Variants in MYLIP observed in about 807,000 individuals in gnomAD.
MYLIP encodes the protein E3 ubiquitin-protein ligase MYLIP.
In MYLIP, 26 loss-of-function variants were observed where a neutral mutation model predicts 45.8. The observed-to-expected ratio is 0.57, with a 90% CI of 0.42 to 0.79. MYLIP has a LOEUF of 0.79. MYLIP is among the 30% of genes least tolerant of loss of function. The pLI, the probability that MYLIP is intolerant of heterozygous loss-of-function variation, is 0.00. For synonymous variants in MYLIP, 213 were observed against 218.1 expected (o/e 0.98, Z 0.21); for missense variants, 494 against 555.6 (o/e 0.89, Z 1.11).
In MYLIP at chr6:16,145,161, G is replaced by A; in HGVS notation, c.1092G>A (p.Glu364=). The change falls in exon 6 of 7, where the codon GAG becomes GAA. Residue 364 remains glutamate (E), a synonymous_variant. Transcript: ENST00000356840. ...GCAGCATGAACTGCAGCAGCTGCGA[G>A]GGCCTCAGCTGCCAGCAGACCCGGG... is the stretch of plus-strand genomic sequence containing the variant. ...SESSMNCSSC[E]GLSCQQTRVL... The A allele has an allele frequency of 6.2e-7, 1 of 1,614,210 alleles. No homozygotes were observed.
Position 16,146,704 on chromosome 6 carries a change from G to A in MYLIP, c.1291G>A (p.Val431Ile), listed in dbSNP as rs868483841. ...GTCGCGTGTGGAGCATGTCCAGCACGTCTATCTGCCAACGCACACCAGTCT... is the reference window on the plus strand; with the variant it reads ...GTCGCGTGTGGAGCATGTCCAGCACATCTATCTGCCAACGCACACCAGTCT... ...CRSRVEHVQH[V>I]YLPTHTSLLN... Residue 431 changes from valine to isoleucine, a missense_variant, in exon 7 of 7, where the codon GTC (valine) becomes ATC (isoleucine). By Grantham distance (29) the Val-to-Ile change is conservative. Coordinates refer to ENST00000356840, the MANE Select transcript of MYLIP (RefSeq NM_013262.4). 9.9e-6 allele frequency: 16 copies of A among 1,611,978 alleles called. No individual in the cohort carries two copies. The highest frequency in any genetic ancestry group is 3.3e-4 in the Middle Eastern group (2 of 6,058).
intron 1 of MYLIP, 36 bp from the exon 2 acceptor site, chr6:16,130,521 A>G (rs1463883815): frequency 4.4e-6 from 7 of 1,603,030 alleles, no homozygotes; most frequent in East Asian, 4.5e-5. Flanking sequence ...GATACGTACC[A>G]TTTGCTCATC....
intron 2 of MYLIP, among the ~76,000 whole-genome samples, chr6:16,135,775 A>ATATATATATATATATATG (rs1220728725): frequency 2.1e-5 from 3 of 146,176 alleles, no homozygotes; most frequent in East Asian, 4.0e-4. Flanking sequence ...ATATATATAT[A>ATATATATATATATATATG]TATGTATGCT....
chr6:16,135,743 G>GTATATATATATATATATATATATA (rs1159042665), intron 2 of MYLIP, among the ~76,000 whole-genome samples: 1 of 94,928 alleles, frequency 1.1e-5, no homozygotes. Context: ...ATATGTGTGT[G>GTATATATATATATATATATATATA]TATACATATA....
the MYLIP span, chr6:16,161,035 G>T: frequency 6.4e-6 from 1 of 156,180 alleles, no homozygotes; most frequent in Non-Finnish European, 1.4e-5. Flanking sequence ...CCGGAGTGGA[G>T]ACGCTCCCAC....
intron 4 of MYLIP, 84 bp from the exon 5 acceptor site, chr6:16,143,614 AG>A: frequency 1.4e-6 from 2 of 1,441,194 alleles, no homozygotes. Flanking sequence ...CTAGGTCATG[AG>A]CAAATGGGGA....
At chr6:16,135,743 G>GTA (rs1159042665) in intron 2 of MYLIP, among the ~76,000 whole-genome samples, 4 of 94,938 alleles carry the variant, frequency 4.2e-5, no homozygotes, top group African/African-American at 1.2e-4. Flanking sequence ...ATATGTGTGT[G>GTA]TATACATATA....
downstream of MYLIP, among the ~76,000 whole-genome samples, chr6:16,152,700 A>G (rs942169602): frequency 3.3e-5 from 5 of 152,230 alleles, no homozygotes; most frequent in Admixed American, 6.5e-5. Context: ...CAATCAAAGC[A>G]GGTATCAGGT....
In MYLIP at chr6:16,146,850, C is replaced by A; in HGVS notation, c.*99C>A. 2.0e-6 allele frequency: 2 copies of A among 1,023,122 alleles called. No homozygotes were observed. The highest frequency in any genetic ancestry group is 2.8e-6 in the Non-Finnish European group (2 of 704,826). 63.4% of individuals were successfully genotyped at this position (1,023,122 alleles called of 1,614,324 possible). On this transcript the variant is annotated 3_prime_UTR_variant, in exon 7 of 7. Coordinates refer to ENST00000356840, the MANE Select transcript of MYLIP (RefSeq NM_013262.4). Reference sequence around the variant, plus strand: ...TGGAGAAAGTAATTATTCCAACACCCATCTGCCATGCGATGTTAAAAAAAA... The same window carrying A: ...TGGAGAAAGTAATTATTCCAACACCAATCTGCCATGCGATGTTAAAAAAAA...
At chr6:16,131,035 A>AAAAAAAAAG (rs1554124561) in intron 2 of MYLIP, among the ~76,000 whole-genome samples, 4 of 150,088 alleles carry the variant, frequency 2.7e-5, no homozygotes, top group African/African-American at 7.4e-5. Flanking sequence ...CCAGGAAAAA[A>AAAAAAAAAG]AAAAAAAAAA....
At chr6:16,151,786 A>T (rs1406974049), downstream of MYLIP, among the ~76,000 whole-genome samples, 1 of 152,246 alleles carries the variant, frequency 6.6e-6, no homozygotes, top group Non-Finnish European at 1.5e-5. Flanking sequence ...CCGGTTGCTT[A>T]GAGAAAAAAT....
intron 4 of MYLIP, 31 bp from the exon 5 acceptor site, chr6:16,143,668 A>G (rs1581607834): frequency 6.2e-7 from 1 of 1,610,740 alleles, no homozygotes; most frequent in East Asian, 2.2e-5. Context: ...CTCCTTCTAG[A>G]TCTGCTTTCT....
Position 16,143,197 on chromosome 6 carries a change from T to C in MYLIP, c.642T>C (p.Asp214=). The C allele has an allele frequency of 3.7e-6, 6 of 1,614,226 alleles. No individual in the cohort carries two copies. The highest frequency in any genetic ancestry group is 5.1e-6 in the Non-Finnish European group (6 of 1,180,032). Residue 214 remains aspartate, a synonymous_variant, in exon 4 of 7, where the codon GAT becomes GAC. Coordinates refer to ENST00000356840, the MANE Select transcript of MYLIP (RefSeq NM_013262.4). The part of the protein sequence containing the change: ...VGPEGISICK[D]DFSPINRIAY... The stretch of plus-strand genomic sequence containing the variant: ...CTGAAGGAATCTCAATTTGTAAAGA[T>C]GACTTTAGCCCAATTAATAGGTAAG...
downstream of MYLIP, among the ~76,000 whole-genome samples, chr6:16,148,839 T>A (rs879520617): frequency 2.6e-5 from 4 of 152,220 alleles, no homozygotes; most frequent in African/African-American, 4.8e-5. Flanking sequence ...CATCTGTGTT[T>A]CTCCAGAAAT....
Position 16,131,029 on chromosome 6 carries a change from G to GAAAAA in MYLIP, c.278+297_278+301dup, listed in dbSNP as rs11394742. Reference sequence around the variant, plus strand: ...ACACTTGAGATAAGTGCTACCCCAGGAAAAAAAAAAAAAAAAAAAGAAACC... The same window carrying GAAAAA: ...ACACTTGAGATAAGTGCTACCCCAGGAAAAAAAAAAAAAAAAAAAAAAAAGAAACC... On this transcript the variant is annotated intron_variant, in intron 2 of 6. Transcript: ENST00000356840. Among the ~76,000 whole-genome samples, 99 of 115,204 alleles carry GAAAAA rather than the reference G, an allele frequency of 8.6e-4. 1 individual carries two copies. The highest frequency in any genetic ancestry group is 1.2e-3 in the East Asian group (5 of 4,180). The allele number at this position is 115,204 out of a possible 152,430, so 75.6% of individuals were successfully genotyped here. A position where few individuals can be genotyped will look rare whatever the true frequency, so the allele number is the denominator to read the frequency against.
chr6:16,129,235 GT>G lies in MYLIP; in HGVS notation c.-87del. The G allele has an allele frequency of 7.1e-7, 1 of 1,409,440 alleles. No homozygotes were observed. Among genetic ancestry groups the G allele is most frequent in the Non-Finnish European group, 9.7e-7 (1 of 1,028,456 alleles). 87.3% of individuals were successfully genotyped at this position (1,409,440 alleles called of 1,614,324 possible). A position where few individuals can be genotyped will look rare whatever the true frequency, so the allele number is the denominator to read the frequency against. Reference sequence around the variant, plus strand: ...GCCTTCGAGGGCCAGCCCTCTCCGAGTCCGGGGCTGGGTCCCACCAGTGACA... The same window carrying G: ...GCCTTCGAGGGCCAGCCCTCTCCGAGCCGGGGCTGGGTCCCACCAGTGACA... On this transcript the variant is annotated 5_prime_UTR_variant, in exon 1 of 7. Transcript: ENST00000356840. This position sits in a 1 kb window ranked among gnomAD's most constrained non-coding sequence, Gnocchi z 5.1.
chr6:16,163,292 G>C, the MYLIP span: 6 of 152,264 alleles, frequency 3.9e-5, no homozygotes, highest in African/African-American at 1.4e-4. Flanking sequence ...CATGCCTCCT[G>C]TAGGGTTGTA....
At chr6:16,158,063 CAT>C in the MYLIP span, among the ~76,000 whole-genome samples, 1 of 152,240 alleles carries the variant, frequency 6.6e-6, no homozygotes, top group Non-Finnish European at 1.5e-5. Context: ...TCCTCTTTGA[CAT>C]GTGCTCTGGA....
Position 16,146,950 on chromosome 6 carries a change from C to T in MYLIP, c.*199C>T. Reference sequence around the variant, plus strand: ...CATGCGTAGAATCAACAACTCCAGTCATGGGACCAGGAGGAGCTCTGGGAC... The same window carrying T: ...CATGCGTAGAATCAACAACTCCAGTTATGGGACCAGGAGGAGCTCTGGGAC... On this transcript the variant is annotated 3_prime_UTR_variant, in exon 7 of 7. Coordinates refer to ENST00000356840, the MANE Select transcript of MYLIP (RefSeq NM_013262.4). 2.1e-6 allele frequency: 1 copy of T among 475,174 alleles called. No individual in the cohort carries two copies. Among genetic ancestry groups the T allele is most frequent in the Non-Finnish European group, 3.8e-6 (1 of 260,548 alleles). 29.4% of individuals were successfully genotyped at this position (475,174 alleles called of 1,614,324 possible).
Sources: allele counts gnomAD v4.1 joint callset (sites outside exome capture counted in the v4.1 genomes callset), GRCh38; gene constraint gnomAD v4.1.1; non-coding constraint Gnocchi (gnomAD v3.1); transcripts MANE v1.5; gene names NCBI Gene and HGNC (gene_info 2026-07-23, HGNC 2026-07-21).